Variants in YLPM1 observed in about 807,000 individuals in gnomAD.
YLPM1 encodes YLP motif-containing protein 1.
YLPM1 carries 99 observed loss-of-function variants against 230.0 expected under a neutral mutation model. The observed-to-expected ratio is 0.43, with a 90% CI of 0.37 to 0.51. YLPM1 has a LOEUF of 0.51. Among genes scored for constraint, YLPM1 ranks in the 20% least tolerant of loss-of-function variants. YLPM1 has a pLI of 0.00. For synonymous variants in YLPM1, 984 were observed against 942.5 expected (o/e 1.04, Z -0.81); for missense variants, 2,592 against 2,707.7 (o/e 0.96, Z 0.95).
Position 74,802,472 on chromosome 14 carries a change from T to C in YLPM1, c.4401-84T>C. 6.8e-6 allele frequency: 10 copies of C among 1,460,100 alleles called. No homozygotes were observed. In the South Asian group the frequency reaches 1.3e-4, roughly 20 times the overall value. The allele number at this position is 1,460,100 out of a possible 1,614,324, so 90.4% of individuals were successfully genotyped here. On this transcript the variant is annotated intron_variant, in intron 5 of 20. Coordinates refer to ENST00000325680, the MANE Select transcript of YLPM1 (RefSeq NM_019589.3). Reference sequence around the variant, plus strand: ...TAGGACAAGGATTTTTTAGGTCTCCTTTTTTTAATTAAATATTAATTGTAG... The same window carrying C: ...TAGGACAAGGATTTTTTAGGTCTCCCTTTTTTAATTAAATATTAATTGTAG...
At position 74,809,373 on chromosome 14, in the gene YLPM1, T is replaced by C. The variant is rs549874799; in HGVS notation, c.4522-7T>C. On this transcript the variant is annotated splice_polypyrimidine_tract_variant and splice_region_variant and intron_variant, in intron 6 of 20. Transcript: ENST00000325680. The stretch of plus-strand genomic sequence containing the variant: ...TTGTCCACTAAGCTATTTATTCTGT[T>C]CTCTAGCCTCCAGGGTCGTATAGAC... 1 of 1,601,424 alleles carries C rather than the reference T, an allele frequency of 6.2e-7. No homozygotes were observed. Among genetic ancestry groups the C allele is most frequent in the East Asian group, 2.2e-5 (1 of 44,740 alleles).
chr14:74,798,279 C>T lies in YLPM1; in HGVS notation c.2982C>T (p.Asn994=). The T allele has an allele frequency of 6.2e-7, 1 of 1,613,870 alleles. No homozygotes were observed. Among genetic ancestry groups the T allele is most frequent in the East Asian group, 2.2e-5 (1 of 44,870 alleles). The part of the protein sequence containing the change: ...PVGIGLPHSE[N]NQDKGLPRPD... Reference sequence around the variant, plus strand: ...GTATTGGTCTACCCCATTCAGAAAACAACCAAGATAAAGGCCTGCCTCGGC... The same window carrying T: ...GTATTGGTCTACCCCATTCAGAAAATAACCAAGATAAAGGCCTGCCTCGGC... Residue 994 remains asparagine, a synonymous_variant, in exon 5 of 21, where the codon AAC becomes AAT. Coordinates refer to ENST00000325680, the MANE Select transcript of YLPM1 (RefSeq NM_019589.3).
intron 1 of YLPM1, among the ~76,000 whole-genome samples, chr14:74,777,752 A>C (rs1346497258): frequency 6.6e-6 from 1 of 151,982 alleles, no homozygotes; most frequent in Admixed American, 6.6e-5. Flanking sequence ...AGGTAAGAGA[A>C]TTGCTTGAGC....
At chr14:74,827,320 C>T (rs1406093342) in intron 18 of YLPM1, 1 of 984,836 alleles carries the variant, frequency 1.0e-6, no homozygotes, top group African/African-American at 1.7e-5. Flanking sequence ...ATTAACACCC[C>T]AGATTTCTTT....
Position 74,799,003 on chromosome 14 carries a change from G to C in YLPM1, c.3706G>C (p.Asp1236His), listed in dbSNP as rs965568306. ...GAGAGAATGTGAACGTGACTATCAAGATGATACACTAGAGCTCTATAACAG... is the reference window on the plus strand; with the variant it reads ...GAGAGAATGTGAACGTGACTATCAACATGATACACTAGAGCTCTATAACAG... ...YWRECERDYQ[D>H]DTLELYNRED... Residue 1236 changes from aspartate (D) to histidine (H), a missense_variant, in exon 5 of 21, where the codon GAT (aspartate) becomes CAT (histidine). Coordinates refer to ENST00000325680, the MANE Select transcript of YLPM1 (RefSeq NM_019589.3). The C allele has an allele frequency of 6.2e-7, 1 of 1,613,958 alleles. No individual in the cohort carries two copies. Among genetic ancestry groups the C allele is most frequent in the Non-Finnish European group, 8.5e-7 (1 of 1,179,880 alleles).
At chr14:74,812,207 T>C (rs2091440664) in intron 10 of YLPM1, among the ~76,000 whole-genome samples, 1 of 152,230 alleles carries the variant, frequency 6.6e-6, no homozygotes, top group Non-Finnish European at 1.5e-5. Context: ...AGTTTTTCAC[T>C]GCTATGATTT....
intron 1 of YLPM1, among the ~76,000 whole-genome samples, chr14:74,775,016 C>T (rs2091020098): frequency 6.6e-6 from 1 of 152,064 alleles, no homozygotes; most frequent in African/African-American, 2.4e-5. Context: ...ACCATAAAGT[C>T]GAAAAATCAT....
Position 74,764,164 on chromosome 14 carries a change from GC to G in YLPM1, c.678del (p.Ser227LeufsTer19), listed in dbSNP as rs1488653118. 6.2e-7 allele frequency: 1 copy of G among 1,612,574 alleles called. No individual in the cohort carries two copies. Among genetic ancestry groups the G allele is most frequent in the African/African-American group, 1.3e-5 (1 of 74,386 alleles). On this transcript the variant is annotated frameshift_variant, in exon 1 of 21. Coordinates refer to ENST00000325680, the MANE Select transcript of YLPM1 (RefSeq NM_019589.3). LOFTEE classifies it high-confidence loss of function. ...ATTTGAGCCATTCCCAGTCCTACTTGCCCTCTTCTCAGGCATCTCCTTCCCG... is the reference window on the plus strand; with the variant it reads ...ATTTGAGCCATTCCCAGTCCTACTTGCCTCTTCTCAGGCATCTCCTTCCCG... ...SYLSHSQSYL[P>X]SSQASPSRPS... is the part of the protein sequence containing the mutation.
chr14:74,816,441 C>T lies in YLPM1; in HGVS notation c.5566-130C>T. ...ATATATTTTTATCTACTCAGAGAAA[C>T]ATTTTTGCCTCTGCTTGATTTGAAA... On this transcript the variant is annotated intron_variant, in intron 12 of 20. Transcript: ENST00000325680. The T allele has an allele frequency of 9.9e-6, 13 of 1,313,868 alleles. No homozygotes were observed. The South Asian group carries it at 2.0e-4, about 20-fold the overall frequency. The allele number at this position is 1,313,868 out of a possible 1,614,324, so 81.4% of individuals were successfully genotyped here. A position where few individuals can be genotyped will look rare whatever the true frequency, so the allele number is the denominator to read the frequency against.
In YLPM1 at chr14:74,798,343, A is replaced by G; in HGVS notation, c.3046A>G (p.Asn1016Asp). 6.2e-7 allele frequency: 1 copy of G among 1,614,026 alleles called. No homozygotes were observed. The highest frequency in any genetic ancestry group is 8.5e-7 in the Non-Finnish European group (1 of 1,179,902). ...RDNRLEGNRG[N>D]SSSYRGPGQS... ...TAATAGATTAGAAGGCAATAGAGGC[A>G]ACAGCTCATCTTACAGAGGTCCTGG... Residue 1016 changes from asparagine to aspartate, a missense_variant, in exon 5 of 21, where the codon AAC becomes GAC. Physicochemically the swap from Asn to Asp is conservative, Grantham distance 23. Around this residue, in one of 4 missense-constraint regions of YLPM1, gnomAD observed 1,862 missense variants for 1,819.8 expected, o/e 1.02. Transcript: ENST00000325680.
chr14:74,763,858 C>T lies in YLPM1; in HGVS notation c.369C>T (p.Tyr123=). The part of the protein sequence containing the change: ...PALSYQKQQQ[Y]KHQMLHHQRD... ...TCAGCTATCAGAAGCAGCAGCAGTA[C>T]AAACACCAGATGCTCCACCACCAAC... Residue 123 remains tyrosine, a synonymous_variant, in exon 1 of 21, where the codon TAC becomes TAT. Transcript: ENST00000325680. The T allele has an allele frequency of 6.5e-7, 1 of 1,534,552 alleles. No homozygotes were observed. Among genetic ancestry groups the T allele is most frequent in the Non-Finnish European group, 8.8e-7 (1 of 1,141,722 alleles).
intron 5 of YLPM1, among the ~76,000 whole-genome samples, chr14:74,801,851 C>A (rs572585014): frequency 7.0e-4 from 107 of 152,228 alleles, no homozygotes; most frequent in Middle Eastern, 3.4e-3. Context: ...GATGTGAAAG[C>A]CACATTTTGA....
At chr14:74,812,908 T>C in intron 11 of YLPM1, 126 bp downstream of exon 11, 1 of 1,242,064 alleles carries the variant, frequency 8.1e-7, no homozygotes, top group East Asian at 2.6e-5. Flanking sequence ...GACGTTTTAC[T>C]ATCTCTAAAT....
intron 4 of YLPM1, among the ~76,000 whole-genome samples, chr14:74,787,334 G>A (rs1268746751): frequency 2.6e-5 from 4 of 152,102 alleles, no homozygotes; most frequent in East Asian, 1.9e-4. Context: ...AGGCTGACGC[G>A]GGCAGATCAC....
At chr14:74,826,018 A>G (rs909205750) in intron 18 of YLPM1, among the ~76,000 whole-genome samples, 1 of 152,248 alleles carries the variant, frequency 6.6e-6, no homozygotes, top group Non-Finnish European at 1.5e-5. Flanking sequence ...TTAAAGACAG[A>G]ATAGTAGACA....
chr14:74,791,719 ACT>A (rs2140101203), intron 4 of YLPM1, among the ~76,000 whole-genome samples: 1 of 152,070 alleles, frequency 6.6e-6, no homozygotes, highest in South Asian at 2.1e-4. Flanking sequence ...TAATTGTCTC[ACT>A]CTTCCTGTGG....
At chr14:74,817,336 G>A in intron 15 of YLPM1, 59 bp downstream of exon 15, 1 of 1,455,510 alleles carries the variant, frequency 6.9e-7, no homozygotes, top group Non-Finnish European at 9.3e-7. Flanking sequence ...ATGATGTTTT[G>A]GTTAAGGAAG....
chr14:74,799,313 C>T lies in YLPM1; in HGVS notation c.4016C>T (p.Pro1339Leu). ...CTTCCACCTTTACCGCCCCTCCCAC[C>T]TCTTCCACCTTTGGATAGATATCGG... Reference protein sequence around the residue: ...PSLPPLPPLPPLPPLDRYRDD... With the variant: ...PSLPPLPPLPLLPPLDRYRDD... Residue 1339 changes from proline (P) to leucine (L), a missense_variant, in exon 5 of 21, where the codon CCT becomes CTT. Physicochemically the swap from Pro to Leu is moderately conservative, Grantham distance 98 (BLOSUM62 -3). Coordinates refer to ENST00000325680, the MANE Select transcript of YLPM1 (RefSeq NM_019589.3). The T allele has an allele frequency of 1.2e-6, 2 of 1,613,984 alleles. No individual in the cohort carries two copies. The highest frequency in any genetic ancestry group is 2.2e-5 in the South Asian group (2 of 91,080).
At chr14:74,811,539 G>T in intron 9 of YLPM1, 81 bp from the exon 10 acceptor site, 1 of 976,026 alleles carries the variant, frequency 1.0e-6, no homozygotes, top group South Asian at 1.5e-5. Context: ...AGAAAATTGG[G>T]CAGTTAATGC....
Sources: allele counts gnomAD v4.1 joint callset (sites outside exome capture counted in the v4.1 genomes callset), GRCh38; gene constraint gnomAD v4.1.1; regional missense constraint gnomAD v4.1.1; transcripts MANE v1.5; gene names NCBI Gene and HGNC (gene_info 2026-07-23, HGNC 2026-07-21).